Variants in PHF20 observed in about 807,000 individuals in gnomAD.
PHF20 encodes glioma-expressed antigen 2.
In PHF20, 23 loss-of-function variants were observed where a neutral mutation model predicts 113.5. The observed-to-expected ratio is 0.20, with a 90% CI of 0.15 to 0.29. The LOEUF is 0.29. Among genes scored for constraint, PHF20 ranks in the 10% least tolerant of loss-of-function variants. The pLI is 1.00. For synonymous variants in PHF20, 434 were observed against 457.3 expected (o/e 0.95, Z 0.65); for missense variants, 943 against 1,219.6 (o/e 0.77, Z 3.38).
intron 2 of PHF20, among the ~76,000 whole-genome samples, chr20:35,830,584 A>AT (rs1338940586): frequency 6.6e-6 from 1 of 152,170 alleles, no homozygotes; most frequent in Non-Finnish European, 1.5e-5. Flanking sequence ...GAGTACAGAC[A>AT]TCTGTTTGAG....
intron 10 of PHF20, 70 bp downstream of exon 10, chr20:35,899,718 A>G (rs1303812227): frequency 3.3e-6 from 5 of 1,502,954 alleles, no homozygotes; most frequent in Non-Finnish European, 4.6e-6. Flanking sequence ...GTGTTTTCTG[A>G]CACACAAAGC....
Position 35,838,710 on chromosome 20 carries a change from G to A in PHF20, c.84-3863G>A, listed in dbSNP as rs532682053. ...AGTTAGAAAGAATGCGATTTCAAGC[G>A]GGACGTGGTGGTTCATGCCTGTAAT... On this transcript the variant is annotated intron_variant, in intron 2 of 17. Transcript: ENST00000374012. Among the ~76,000 whole-genome samples, 66 of 152,104 alleles carry A rather than the reference G, an allele frequency of 4.3e-4. No homozygotes were observed. In the South Asian group the frequency reaches 4.4e-3, roughly 10 times the overall value.
At chr20:35,800,426 A>AAACAAACC (rs2041757247) in intron 1 of PHF20, among the ~76,000 whole-genome samples, 1 of 152,210 alleles carries the variant, frequency 6.6e-6, no homozygotes, top group Non-Finnish European at 1.5e-5. Context: ...ACTCCTCAAA[A>AAACAAACC]AACAAACCAA....
chr20:35,845,500 G>T, intron 3 of PHF20: 1 of 216,022 alleles, frequency 4.6e-6, no homozygotes, highest in East Asian at 1.5e-4. Context: ...TGAGTACCTG[G>T]GACTATAGGC....
chr20:35,945,316 A>G (rs1309660156), intron 17 of PHF20, among the ~76,000 whole-genome samples: 1 of 152,182 alleles, frequency 6.6e-6, no homozygotes, highest in Non-Finnish European at 1.5e-5. Context: ...AACTTGATCT[A>G]GTGGGAGAGA....
intron 4 of PHF20, among the ~76,000 whole-genome samples, chr20:35,848,477 C>T (rs1002472872): frequency 1.2e-4 from 19 of 152,072 alleles, no homozygotes; most frequent in Admixed American, 1.2e-3. Context: ...GTTGGCCAGG[C>T]TGGTCTCATG....
chr20:35,898,820 AG>A lies in PHF20; in HGVS notation c.1283-548del, dbSNP rs781618062. Among the ~76,000 whole-genome samples the A allele has an allele frequency of 3.7e-4, 57 of 152,322 alleles. No individual in the cohort carries two copies. The Middle Eastern group carries it at 0.01, about 27-fold the overall frequency. The stretch of plus-strand genomic sequence containing the variant: ...GAGACAGGGTTTCACCATATTGGCC[AG>A]GCTGGTCTCGAACTCCTGACCTCAG... On this transcript the variant is annotated intron_variant, in intron 9 of 17. Transcript: ENST00000374012.
At chr20:35,913,969 T>C (rs1210250472) in intron 11 of PHF20, 64 bp from the exon 12 acceptor site, 1 of 1,498,286 alleles carries the variant, frequency 6.7e-7, no homozygotes, top group Non-Finnish European at 9.3e-7. Context: ...TTGGATGAGA[T>C]TGATTCTAGA....
chr20:35,872,192 G>A (rs1416568358), intron 9 of PHF20, among the ~76,000 whole-genome samples: 1 of 149,956 alleles, frequency 6.7e-6, no homozygotes. Flanking sequence ...TCATTACCTG[G>A]TGAAAAGATC....
At chr20:35,903,667 A>G (rs2055146151) in intron 10 of PHF20, among the ~76,000 whole-genome samples, 1 of 152,224 alleles carries the variant, frequency 6.6e-6, no homozygotes, top group South Asian at 2.1e-4. Flanking sequence ...CGAAGGAACT[A>G]GACCATCCAT....
chr20:35,924,624 G>T (rs1268272959), intron 13 of PHF20, among the ~76,000 whole-genome samples: 2 of 151,090 alleles, frequency 1.3e-5, no homozygotes, highest in Admixed American at 1.3e-4. Context: ...ACGGAGATTC[G>T]CTCTGTCACC....
chr20:35,927,808 G>A lies in PHF20; in HGVS notation c.2033G>A (p.Gly678Glu), dbSNP rs2055671712. ...GAAGAGTGCCAGTGCTGGCAGCATG[G>A]GGTCTGCATGGGATTACTGGAAGAA... Reference protein sequence around the residue: ...QCEECQCWQHGVCMGLLEENV... With the variant: ...QCEECQCWQHEVCMGLLEENV... The change falls in exon 14 of 18, where the codon GGG becomes GAG. Residue 678 changes from glycine (G) to glutamate (E), a missense_variant. Physicochemically the swap from Gly to Glu is moderately conservative, Grantham distance 98. Coordinates refer to ENST00000374012, the MANE Select transcript of PHF20 (RefSeq NM_016436.5). 6.2e-7 allele frequency: 1 copy of A among 1,613,732 alleles called. No homozygotes were observed. The highest frequency in any genetic ancestry group is 8.5e-7 in the Non-Finnish European group (1 of 1,179,630).
intron 2 of PHF20, among the ~76,000 whole-genome samples, chr20:35,820,445 C>CTTTT (rs369532387): frequency 1.5e-5 from 2 of 129,624 alleles, no homozygotes; most frequent in African/African-American, 2.9e-5. Context: ...GGAATAAGTA[C>CTTTT]TTTTTTTTTT....
At chr20:35,931,822 G>A (rs986699883) in intron 15 of PHF20, among the ~76,000 whole-genome samples, 3 of 151,828 alleles carry the variant, frequency 2.0e-5, no homozygotes, top group Admixed American at 1.3e-4. Context: ...GTGCTGGTGT[G>A]CGCCTGTAAT....
At chr20:35,916,459 G>A (rs2055405101) in intron 12 of PHF20, among the ~76,000 whole-genome samples, 1 of 151,628 alleles carries the variant, frequency 6.6e-6, no homozygotes, top group African/African-American at 2.4e-5. Flanking sequence ...ACTGTCTATA[G>A]AGTTTTTGTT....
chr20:35,806,088 C>T (rs541806343), intron 2 of PHF20, among the ~76,000 whole-genome samples: 1 of 151,628 alleles, frequency 6.6e-6, no homozygotes, highest in East Asian at 1.9e-4. Flanking sequence ...TGGTCTGGAA[C>T]TCCTGACCTT....
intron 15 of PHF20, among the ~76,000 whole-genome samples, chr20:35,938,246 C>T (rs1243092072): frequency 1.3e-5 from 2 of 152,138 alleles, no homozygotes; most frequent in East Asian, 3.8e-4. Flanking sequence ...TGTCTGACTC[C>T]CTTCCCATCA....
rs568468651 is a variant in PHF20, at chr20:35,923,939, A to G, written c.2005-3841A>G. The stretch of plus-strand genomic sequence containing the variant: ...GCTAATTTCTTTAATTTTTTTTTGT[A>G]GAGATGGAATCTTGCTATGTTTTTC... On this transcript the variant is annotated intron_variant, in intron 13 of 17. Transcript: ENST00000374012. Among the ~76,000 whole-genome samples, 100 of 151,988 alleles carry G rather than the reference A, an allele frequency of 6.6e-4. 1 individual carries two copies. The South Asian group carries it at 0.02, about 31-fold the overall frequency.
chr20:35,917,791 G>C, intron 13 of PHF20, 129 bp downstream of exon 13: 1 of 765,560 alleles, frequency 1.3e-6, no homozygotes. Context: ...AGCAGACTGA[G>C]CTTCTCTTTT....
Sources: allele counts gnomAD v4.1 joint callset (sites outside exome capture counted in the v4.1 genomes callset), GRCh38; gene constraint gnomAD v4.1.1; transcripts MANE v1.5; gene names NCBI Gene and HGNC (gene_info 2026-07-23, HGNC 2026-07-21).